GTF2IRD2: variants seen among roughly 807,000 people sequenced by gnomAD.
GTF2IRD2 encodes GTF2I repeat domain containing 2, also known as general transcription factor II-I repeat domain-containing protein 2A.
In GTF2IRD2, 8 loss-of-function variants were observed where a neutral mutation model predicts 49.2. The ratio of observed to expected loss-of-function variants is 0.16; its 90% CI spans 0.10 to 0.29. The LOEUF (loss-of-function observed/expected upper bound fraction) is 0.29. GTF2IRD2 is among the 10% of genes least tolerant of loss of function. The pLI, the probability that GTF2IRD2 is intolerant of heterozygous loss-of-function variation, is 1.00. For synonymous variants in GTF2IRD2, 47 were observed against 289.7 expected (o/e 0.16, Z 8.51); for missense variants, 130 against 725.7 (o/e 0.18, Z 9.43).
rs782311281 is a variant in GTF2IRD2, at chr7:74,822,442, G to C, written c.556C>G (p.Pro186Ala). 39 of 853,140 alleles carry C rather than the reference G, an allele frequency of 4.6e-5. No individual in the cohort carries two copies. Among genetic ancestry groups the C allele is most frequent in the Non-Finnish European group, 6.7e-5 (36 of 538,084 alleles). 52.8% of individuals were successfully genotyped at this position (853,140 alleles called of 1,614,324 possible). A position where few individuals can be genotyped will look rare whatever the true frequency, so the allele number is the denominator to read the frequency against. ...TGTCACTTACCCAGCTGACTCTCTG[G>C]TCCTAGGAAGGGTCTGCAAGAAAAG... ...SFIINRPFLG[P>A]ESQLGGPGMV... Residue 186 changes from proline to alanine, a missense_variant, in exon 6 of 16, where the codon CCA becomes GCA. Coordinates refer to ENST00000451013, the MANE Select transcript of GTF2IRD2 (RefSeq NM_173537.5).
At chr7:74,811,233 G>A (rs1346078758) in intron 9 of GTF2IRD2, among the ~76,000 whole-genome samples, 7 of 151,562 alleles carry the variant, frequency 4.6e-5, no homozygotes, top group Non-Finnish European at 8.8e-5. Flanking sequence ...AACCGAGTGT[G>A]GTGGCACACG....
At chr7:74,811,133 T>C (rs1554417680) in intron 9 of GTF2IRD2, among the ~76,000 whole-genome samples, 181 bp from the exon 10 acceptor site, 1 of 113,060 alleles carries the variant, frequency 8.8e-6, no homozygotes, top group African/African-American at 2.6e-5. Flanking sequence ...CTCTGGGAGG[T>C]GGAGGCGGGC....
chr7:74,798,815 TCAGGTTTTCTAA>T (rs1273224841), intron 15 of GTF2IRD2, among the ~76,000 whole-genome samples: 4 of 142,688 alleles, frequency 2.8e-5, no homozygotes, highest in Non-Finnish European at 6.1e-5. Context: ...AGCCAGATCT[TCAGGTTTTCTAA>T]AGAAAACCTG....
At position 74,851,358 on chromosome 7, in the gene GTF2IRD2, G is replaced by C. The variant is rs1801575971; in HGVS notation, c.-6+9C>G. The C allele has an allele frequency of 8.4e-5, 4 of 47,726 alleles. 2 individuals are homozygous for C. Among genetic ancestry groups the C allele is most frequent in the Non-Finnish European group, 1.5e-4 (4 of 27,542 alleles). The allele number at this position is 47,726 out of a possible 1,614,324, so 3.0% of individuals were successfully genotyped here. ...ATGGCGGCGTCGGCGGCGGGGGCGG[G>C]GTACGCACCTGAGGGCGCTGGGCCG... On this transcript the variant is annotated intron_variant, in intron 1 of 15. Transcript: ENST00000451013.
chr7:74,815,866 G>GAAAGAAAGAA (rs1328337117), intron 8 of GTF2IRD2, among the ~76,000 whole-genome samples: 2 of 83,430 alleles, frequency 2.4e-5, no homozygotes, highest in African/African-American at 5.0e-5. Flanking sequence ...AAGAAAGAAA[G>GAAAGAAAGAA]AGAAAATAAA....
At chr7:74,821,921 A>G (rs1554418673) in intron 6 of GTF2IRD2, 1 of 9,080 alleles carries the variant, frequency 1.1e-4, no homozygotes, top group Non-Finnish European at 2.0e-4. Context: ...ATTTCTTCTA[A>G]AAAAAAAAAG....
chr7:74,799,924 A>C (rs1797393447), intron 15 of GTF2IRD2, among the ~76,000 whole-genome samples: 1 of 104,208 alleles, frequency 9.6e-6, no homozygotes, highest in Non-Finnish European at 1.9e-5. Context: ...GTCTCTACAA[A>C]AAAAAAAAAA....
chr7:74,818,781 A>G lies in GTF2IRD2; in HGVS notation c.670+773T>C, dbSNP rs587730937. 11 of 151,172 alleles carry G rather than the reference A, an allele frequency of 7.3e-5. 1 individual carries two copies. Among genetic ancestry groups the G allele is most frequent in the African/African-American group, 2.7e-4 (11 of 40,732 alleles). 9.4% of individuals were successfully genotyped at this position (151,172 alleles called of 1,614,324 possible). ...TGTTTTCTAGATATTTGAGTAAAAT[A>G]ATGGTTCTGCAAATGAGGCTCCACT... On this transcript the variant is annotated intron_variant, in intron 8 of 15. Transcript: ENST00000451013.
intron 3 of GTF2IRD2, among the ~76,000 whole-genome samples, chr7:74,825,902 G>A (rs1280054694): frequency 4.0e-5 from 6 of 151,186 alleles, no homozygotes; most frequent in South Asian, 2.1e-4. Context: ...CCGGGTTCAC[G>A]CCATTCTCCT....
intron 1 of GTF2IRD2, among the ~76,000 whole-genome samples, chr7:74,841,964 A>C (rs1430635492): frequency 7.4e-6 from 1 of 135,470 alleles, no homozygotes; most frequent in Non-Finnish European, 1.5e-5. Flanking sequence ...TCTCTACTAA[A>C]AATACAAAAA....
intron 3 of GTF2IRD2, among the ~76,000 whole-genome samples, chr7:74,826,999 C>A (rs587612857): frequency 3.3e-4 from 50 of 152,120 alleles, no homozygotes; most frequent in African/African-American, 1.1e-3. Context: ...GCATGCACTA[C>A]CATGCCCGGC....
At chr7:74,827,150 CA>C (rs1298216038) in intron 3 of GTF2IRD2, among the ~76,000 whole-genome samples, 2 of 150,148 alleles carry the variant, frequency 1.3e-5, no homozygotes, top group Non-Finnish European at 3.0e-5. Context: ...ACGTTCAAGG[CA>C]GGTGTCTTTT....
rs1420955980 is a variant in GTF2IRD2, at chr7:74,796,476, C to T, written c.*186G>A. ...GCTCGGGAGGCTGAGGCAGGAGAAT[C>T]GTTCGAACCCAGGAGCTGGAAGTTG... is the stretch of plus-strand genomic sequence containing the variant. On this transcript the variant is annotated 3_prime_UTR_variant, in exon 16 of 16. Transcript: ENST00000451013. 28 of 556,350 alleles carry T rather than the reference C, an allele frequency of 5.0e-5. No homozygotes were observed. Among genetic ancestry groups the T allele is most frequent in the African/African-American group, 4.6e-4 (24 of 52,672 alleles). The allele number at this position is 556,350 out of a possible 1,614,324, so 34.5% of individuals were successfully genotyped here. A position where few individuals can be genotyped will look rare whatever the true frequency, so the allele number is the denominator to read the frequency against.
chr7:74,819,067 G>A (rs1798706376), intron 8 of GTF2IRD2: 1 of 193,160 alleles, frequency 5.2e-6, no homozygotes, highest in Non-Finnish European at 1.1e-5. Context: ...TGGGACTACA[G>A]GCGCACACGA....
chr7:74,826,699 CTTTTTTTTT>C (rs1175596623), intron 3 of GTF2IRD2, among the ~76,000 whole-genome samples: 2 of 16,600 alleles, frequency 1.2e-4, no homozygotes, highest in South Asian at 3.0e-3. Context: ...TCATTTCATT[CTTTTTTTTT>C]TTTTTTTTTT....
At chr7:74,811,377 AC>A (rs1315989927) in intron 9 of GTF2IRD2, among the ~76,000 whole-genome samples, 1 of 129,818 alleles carries the variant, frequency 7.7e-6, no homozygotes, top group Admixed American at 8.5e-5. Flanking sequence ...CTAAAAAAAA[AC>A]AAACAAAAAA....
chr7:74,833,303 G>T (rs1164421585), intron 2 of GTF2IRD2, among the ~76,000 whole-genome samples: 3 of 94,032 alleles, frequency 3.2e-5, no homozygotes, highest in African/African-American at 1.2e-4. Flanking sequence ...GGATGGTCTC[G>T]ATCTCCTGAC....
chr7:74,836,165 T>C (rs1214219915), intron 2 of GTF2IRD2, 115 bp downstream of exon 2: 16 of 1,309,478 alleles, frequency 1.2e-5, no homozygotes, highest in East Asian at 2.3e-5. Context: ...AGTGAGACTC[T>C]GTCTTAAAAA....
chr7:74,809,764 G>T (rs1479291665), intron 10 of GTF2IRD2, among the ~76,000 whole-genome samples: 4 of 132,230 alleles, frequency 3.0e-5, no homozygotes, highest in African/African-American at 1.1e-4. Flanking sequence ...CACGCCTCTA[G>T]GTTTGGAAAG....
Sources: gnomAD v4.1 joint callset for allele counts (sites outside exome capture counted in the v4.1 genomes callset) on GRCh38, gnomAD v4.1.1 for gene constraint, MANE v1.5 for transcripts, NCBI Gene and HGNC (gene_info 2026-07-23, HGNC 2026-07-21) for gene names.